The following EXOC6B variants were observed in gnomAD, a reference collection of about 807,000 sequenced individuals.
EXOC6B encodes exocyst complex component 6B, also known as SEC15 homolog B.
EXOC6B carries 54 observed loss-of-function variants against 113.5 expected under a neutral mutation model. The ratio of observed to expected loss-of-function variants is 0.48; its 90% CI spans 0.38 to 0.60. EXOC6B has a LOEUF of 0.60. EXOC6B is among the 20% of genes least tolerant of loss of function. The probability of loss-of-function intolerance (pLI) is 0.00; values close to 1 mark genes in which losing one functional copy is unlikely to be tolerated. For synonymous variants in EXOC6B, 357 were observed against 339.0 expected, an observed-to-expected ratio of 1.05 and a Z score of -0.58; for missense variants, 797 against 977.5, an observed-to-expected ratio of 0.82 and a Z score of 2.46.
chr2:72,674,685 G>C (rs1676161215), intron 6 of EXOC6B, among the ~76,000 whole-genome samples: 1 of 152,008 alleles, frequency 6.6e-6, no homozygotes, highest in African/African-American at 2.4e-5. Flanking sequence ...CAAAAAATTA[G>C]CCGGGCGTGG....
At chr2:72,779,727 G>T (rs934738201) in intron 1 of EXOC6B, among the ~76,000 whole-genome samples, 1 of 152,138 alleles carries the variant, frequency 6.6e-6, no homozygotes, top group South Asian at 2.1e-4. Context: ...TTAGACTATT[G>T]TCTAAGGGGT....
At chr2:72,688,975 C>T (rs1432494383) in intron 6 of EXOC6B, among the ~76,000 whole-genome samples, 2 of 152,038 alleles carry the variant, frequency 1.3e-5, no homozygotes, top group South Asian at 2.1e-4. Context: ...AATGAGAAAA[C>T]GAGCCTAAAG....
intron 16 of EXOC6B, among the ~76,000 whole-genome samples, chr2:72,481,486 A>G (rs541721353): frequency 6.6e-6 from 1 of 152,230 alleles, no homozygotes; most frequent in Non-Finnish European, 1.5e-5. Flanking sequence ...TCACCAAAAG[A>G]ACAGGAATCA....
rs1688606294 is a variant in EXOC6B, at chr2:72,334,965, G to T, written c.2178C>A (p.Ala726=). Residue 726 remains alanine, a synonymous_variant, in exon 20 of 22, where the codon GCC becomes GCA. Coordinates refer to ENST00000272427, the MANE Select transcript of EXOC6B (RefSeq NM_015189.3). The part of the protein sequence containing the change: ...PGFQEDTLQL[A]FIDLRQLLDL... ...GACTTACTTGTCTCAAGTCGATGAAGGCCAACTGCAGCGTGTCCTCCTGGA... is the reference window on the plus strand; with the variant it reads ...GACTTACTTGTCTCAAGTCGATGAATGCCAACTGCAGCGTGTCCTCCTGGA... The T allele has an allele frequency of 1.9e-6, 3 of 1,613,200 alleles. No homozygotes were observed. Among genetic ancestry groups the T allele is most frequent in the Non-Finnish European group, 2.5e-6 (3 of 1,179,518 alleles).
At chr2:72,364,574 A>G (rs1398765174) in intron 19 of EXOC6B, among the ~76,000 whole-genome samples, 2 of 152,134 alleles carry the variant, frequency 1.3e-5, no homozygotes, top group Non-Finnish European at 2.9e-5. Context: ...TTTTCATTAA[A>G]TGCTCTTTTA....
At chr2:72,246,518 T>G (rs924856881) in intron 20 of EXOC6B, among the ~76,000 whole-genome samples, 1 of 151,684 alleles carries the variant, frequency 6.6e-6, no homozygotes, top group Non-Finnish European at 1.5e-5. Context: ...TTTTTTTTTT[T>G]TTTTTTTGAG....
At chr2:72,635,976 T>TG (rs1672787584) in intron 6 of EXOC6B, among the ~76,000 whole-genome samples, 1 of 152,038 alleles carries the variant, frequency 6.6e-6, no homozygotes, top group South Asian at 2.1e-4. Context: ...AGAAGAAAAA[T>TG]GAGGCCAAGG....
intron 6 of EXOC6B, among the ~76,000 whole-genome samples, chr2:72,617,493 G>A (rs1671461510): frequency 6.7e-6 from 1 of 150,184 alleles, no homozygotes; most frequent in Non-Finnish European, 1.5e-5. Flanking sequence ...TAGGCAGAGG[G>A]TCCCCAAAGC....
chr2:72,336,393 T>C (rs941743164), intron 19 of EXOC6B, among the ~76,000 whole-genome samples: 12 of 152,162 alleles, frequency 7.9e-5, no homozygotes, highest in Non-Finnish European at 1.6e-4. Context: ...TTCTCAGACA[T>C]AGCATTTCAT....
At chr2:72,335,320 G>T (rs778587244) in intron 19 of EXOC6B, 5 of 252,970 alleles carry the variant, frequency 2.0e-5, no homozygotes, top group African/African-American at 4.5e-5. Context: ...ACTTGCAAAG[G>T]AGGAGGGAGT....
intron 20 of EXOC6B, among the ~76,000 whole-genome samples, chr2:72,290,814 C>G (rs1321988769): frequency 6.6e-6 from 1 of 151,810 alleles, no homozygotes; most frequent in Non-Finnish European, 1.5e-5. Flanking sequence ...TAAAACATTA[C>G]AGTTAGAATA....
At chr2:72,409,180 C>G (rs972112368) in intron 18 of EXOC6B, among the ~76,000 whole-genome samples, 4 of 152,168 alleles carry the variant, frequency 2.6e-5, no homozygotes, top group African/African-American at 7.2e-5. Context: ...CCATCTCACA[C>G]CAGTTAGAAT....
At chr2:72,680,266 T>C (rs1451298456) in intron 6 of EXOC6B, among the ~76,000 whole-genome samples, 1 of 152,262 alleles carries the variant, frequency 6.6e-6, no homozygotes, top group Non-Finnish European at 1.5e-5. Flanking sequence ...CTTCAAATCC[T>C]GGCTCTGCTA....
At chr2:72,801,859 T>C (rs539120224) in intron 1 of EXOC6B, among the ~76,000 whole-genome samples, 1 of 152,204 alleles carries the variant, frequency 6.6e-6, no homozygotes, top group Non-Finnish European at 1.5e-5. Context: ...AACCATTTCA[T>C]TTTATAGGCA....
At chr2:72,529,715 G>A (rs939561237) in intron 8 of EXOC6B, among the ~76,000 whole-genome samples, 6 of 152,032 alleles carry the variant, frequency 3.9e-5, no homozygotes, top group African/African-American at 1.4e-4. Context: ...CTCCTCCCTC[G>A]GCCTCCCAAA....
intron 16 of EXOC6B, among the ~76,000 whole-genome samples, chr2:72,492,033 T>C (rs560958331): frequency 3.0e-4 from 46 of 152,172 alleles, no homozygotes; most frequent in Non-Finnish European, 6.5e-4. Context: ...AAAATATTTG[T>C]GTATAATCAA....
In EXOC6B at chr2:72,409,802, G is replaced by T. The variant is rs530587081; in HGVS notation, c.1981-29932C>A. ...TTAATGGGTGCAGCACACCAAGATG[G>T]CACATGTATACATATGTAACAAACC... On this transcript the variant is annotated intron_variant, in intron 18 of 21. Transcript: ENST00000272427. Among the ~76,000 whole-genome samples, 14 of 151,980 alleles carry T rather than the reference G, an allele frequency of 9.2e-5. 1 individual carries two copies. In the South Asian group the frequency reaches 2.9e-3, roughly 32 times the overall value.
At chr2:72,368,368 A>C (rs1690769517) in intron 19 of EXOC6B, among the ~76,000 whole-genome samples, 1 of 152,180 alleles carries the variant, frequency 6.6e-6, no homozygotes, top group Non-Finnish European at 1.5e-5. Flanking sequence ...TGAGGCAATA[A>C]TTAATAGCTT....
intron 1 of EXOC6B, among the ~76,000 whole-genome samples, chr2:72,746,900 G>T (rs1412503815): frequency 6.6e-6 from 1 of 152,034 alleles, no homozygotes; most frequent in Non-Finnish European, 1.5e-5. Context: ...AGAGATGGAA[G>T]ACAAAGCTCT....
Sources: gnomAD v4.1 joint callset for allele counts (sites outside exome capture counted in the v4.1 genomes callset) on GRCh38, gnomAD v4.1.1 for gene constraint, MANE v1.5 for transcripts, NCBI Gene and HGNC (gene_info 2026-07-23, HGNC 2026-07-21) for gene names.